Variants in TJP2 observed in about 807,000 individuals in gnomAD.
TJP2 encodes Friedreich ataxia region gene X104 (tight junction protein ZO-2).
Under a neutral mutation model 133.1 loss-of-function variants are expected in TJP2, and 91 were observed. The observed-to-expected ratio is 0.68, with a 90% CI of 0.58 to 0.81. The LOEUF is 0.81. TJP2 is among the 40% of genes least tolerant of loss of function. The pLI, the probability that TJP2 is intolerant of heterozygous loss-of-function variation, is 0.00. For missense variants in TJP2, 1,541 were observed against 1,565.6 expected (o/e 0.98, Z 0.26); for synonymous variants, 592 against 583.4 (o/e 1.01, Z -0.21).
chr9:69,209,422 T>C (rs7861292), intron 1 of TJP2, among the ~76,000 whole-genome samples: 60,537 of 151,618 alleles, frequency 0.4, 12,459 homozygotes, highest in African/African-American at 0.49. Context: ...GCGTGAACCA[T>C]CACGCCCGAC....
At chr9:69,186,637 T>C (rs1330367770) in intron 1 of TJP2, among the ~76,000 whole-genome samples, 3 of 152,204 alleles carry the variant, frequency 2.0e-5, no homozygotes, top group Non-Finnish European at 2.9e-5. Flanking sequence ...AGAGGGGAGC[T>C]TCTTATGGGC....
In TJP2 at chr9:69,254,548, G is replaced by C. The variant is rs1022833183; in HGVS notation, c.*174G>C. 1 of 809,578 alleles carries C rather than the reference G, an allele frequency of 1.2e-6. No individual in the cohort carries two copies. Among genetic ancestry groups the C allele is most frequent in the Non-Finnish European group, 2.0e-6 (1 of 493,654 alleles). The allele number at this position is 809,578 out of a possible 1,614,324, so 50.1% of individuals were successfully genotyped here. A position where few individuals can be genotyped will look rare whatever the true frequency, so the allele number is the denominator to read the frequency against. On this transcript the variant is annotated 3_prime_UTR_variant, in exon 23 of 23. Coordinates refer to ENST00000377245, the MANE Select transcript of TJP2 (RefSeq NM_004817.4). The stretch of plus-strand genomic sequence containing the variant: ...GGACAGCTGGTGCAAATTCAGAACT[G>C]AGGGCTCTGTTTGTGGGACTGGGTT...
chr9:69,238,094 T>G, intron 15 of TJP2, 121 bp downstream of exon 15: 2 of 732,692 alleles, frequency 2.7e-6, no homozygotes, highest in South Asian at 3.0e-5. Flanking sequence ...TTGCTGACAT[T>G]TTGTCACGCA....
At chr9:69,186,187 C>T (rs922817322) in intron 1 of TJP2, among the ~76,000 whole-genome samples, 2 of 152,130 alleles carry the variant, frequency 1.3e-5, no homozygotes, top group African/African-American at 4.8e-5. Flanking sequence ...GAATTTTTTC[C>T]TCCTTCAAAT....
chr9:69,205,756 G>A (rs1370515703), intron 1 of TJP2, among the ~76,000 whole-genome samples: 1 of 152,142 alleles, frequency 6.6e-6, no homozygotes, highest in Non-Finnish European at 1.5e-5. Context: ...CCCTTACGTG[G>A]ACAGCTTGCG....
chr9:69,236,258 C>G lies in TJP2; in HGVS notation c.1991+20C>G, dbSNP rs745961138. On this transcript the variant is annotated intron_variant, in intron 13 of 22. Coordinates refer to ENST00000377245, the MANE Select transcript of TJP2 (RefSeq NM_004817.4). ...GAGCAGGTAACAGAGATCGCATTCTCACATACCCCTTTTAATCCTTCCCCC... is the reference window on the plus strand; with the variant it reads ...GAGCAGGTAACAGAGATCGCATTCTGACATACCCCTTTTAATCCTTCCCCC... 2 of 1,612,208 alleles carry G rather than the reference C, an allele frequency of 1.2e-6. No individual in the cohort carries two copies. The highest frequency in any genetic ancestry group is 2.2e-5 in the South Asian group (2 of 90,966).
At chr9:69,178,918 G>A (rs998492518) in intron 1 of TJP2, among the ~76,000 whole-genome samples, 1 of 151,948 alleles carries the variant, frequency 6.6e-6, no homozygotes, top group African/African-American at 2.4e-5. Context: ...ACCTGTAAAT[G>A]CATTTAATTT....
At chr9:69,147,695 A>T (rs2133320860) in intron 1 of TJP2, among the ~76,000 whole-genome samples, 1 of 152,328 alleles carries the variant, frequency 6.6e-6, no homozygotes, top group East Asian at 1.9e-4. Context: ...AAATAGACCT[A>T]AATAGATCTC....
At chr9:69,238,218 G>T (rs1830335079) in intron 15 of TJP2, among the ~76,000 whole-genome samples, 1 of 152,098 alleles carries the variant, frequency 6.6e-6, no homozygotes, top group Non-Finnish European at 1.5e-5. Flanking sequence ...ATACTTGTGT[G>T]AATCTCCTAA....
intron 9 of TJP2, 62 bp downstream of exon 9, chr9:69,228,176 A>G (rs1447160954): frequency 4.5e-6 from 7 of 1,553,106 alleles, no homozygotes; most frequent in African/African-American, 2.7e-5. Context: ...TCACACAGCC[A>G]TAACAAAGAG....
Position 69,229,321 on chromosome 9 carries a change from G to A in TJP2, c.1520+71G>A, listed in dbSNP as rs549419663. On this transcript the variant is annotated intron_variant, in intron 10 of 22. Transcript: ENST00000377245. ...CTGTCTCTGTAACTGAAATCCAGAA[G>A]AGTGGTGGTTTTTGCCTAGATGGTG... is the stretch of plus-strand genomic sequence containing the variant. 4 of 1,515,932 alleles carry A rather than the reference G, an allele frequency of 2.6e-6. No homozygotes were observed. In the African/African-American group the frequency reaches 5.5e-5, roughly 21 times the overall value. The allele number at this position is 1,515,932 out of a possible 1,614,324, so 93.9% of individuals were successfully genotyped here.
intron 1 of TJP2, among the ~76,000 whole-genome samples, chr9:69,146,608 GA>G (rs1452505234): frequency 6.6e-6 from 1 of 152,152 alleles, no homozygotes; most frequent in Non-Finnish European, 1.5e-5. Context: ...AAATAAGGGG[GA>G]AAATTACCCA....
intron 17 of TJP2, among the ~76,000 whole-genome samples, chr9:69,241,102 C>A (rs1465769480): frequency 6.1e-5 from 9 of 147,744 alleles, no homozygotes; most frequent in Non-Finnish European, 1.1e-4. Flanking sequence ...CATTAAACTG[C>A]TATCTGTACT....
Position 69,254,271 on chromosome 9 carries a change from A to T in TJP2, c.3470A>T (p.Tyr1157Phe). 1 of 1,614,242 alleles carries T rather than the reference A, an allele frequency of 6.2e-7. No homozygotes were observed. The highest frequency in any genetic ancestry group is 8.5e-7 in the Non-Finnish European group (1 of 1,180,040). Reference protein sequence around the residue: ...SRPYQDTRGSYGSDAEEEEYR... With the variant: ...SRPYQDTRGSFGSDAEEEEYR... Reference sequence around the variant, plus strand: ...CCTTATCAGGATACCAGAGGAAGTTATGGCAGTGATGCCGAGGAGGAGGAG... The same window carrying T: ...CCTTATCAGGATACCAGAGGAAGTTTTGGCAGTGATGCCGAGGAGGAGGAG... The change falls in exon 23 of 23, where the codon TAT becomes TTT. Residue 1157 changes from tyrosine (Y) to phenylalanine (F), a missense_variant. Tyr to Phe is a conservative substitution (Grantham distance 22). Coordinates refer to ENST00000377245, the MANE Select transcript of TJP2 (RefSeq NM_004817.4).
At position 69,236,820 on chromosome 9, in the gene TJP2, G is replaced by C. The variant is rs1013548548; in HGVS notation, c.1992-129G>C. On this transcript the variant is annotated intron_variant, in intron 13 of 22. Coordinates refer to ENST00000377245, the MANE Select transcript of TJP2 (RefSeq NM_004817.4). ...AAGGTCCCCACATTTCCCACCCTCTGAAACTTCTTCATTGTCAAGCGGAAT... is the reference window on the plus strand; with the variant it reads ...AAGGTCCCCACATTTCCCACCCTCTCAAACTTCTTCATTGTCAAGCGGAAT... 4.4e-6 allele frequency: 5 copies of C among 1,140,806 alleles called. No individual in the cohort carries two copies. The African/African-American group carries it at 7.6e-5, about 17-fold the overall frequency. The allele number at this position is 1,140,806 out of a possible 1,614,324, so 70.7% of individuals were successfully genotyped here. A position where few individuals can be genotyped will look rare whatever the true frequency, so the allele number is the denominator to read the frequency against.
intron 1 of TJP2, among the ~76,000 whole-genome samples, chr9:69,203,799 A>G (rs185120815): frequency 6.6e-6 from 1 of 151,458 alleles, no homozygotes; most frequent in East Asian, 1.9e-4. Flanking sequence ...TTTTTAGTAG[A>G]GATGGGGTTT....
intron 17 of TJP2, among the ~76,000 whole-genome samples, chr9:69,245,256 T>C (rs1224562727): frequency 6.6e-6 from 1 of 152,226 alleles, no homozygotes; most frequent in Non-Finnish European, 1.5e-5. Flanking sequence ...CTGTTAGAAC[T>C]TCTTAAACAG....
chr9:69,233,749 CCTGGGCGACAGAGGGAG>C (rs1234785373), intron 11 of TJP2, among the ~76,000 whole-genome samples: 2 of 152,012 alleles, frequency 1.3e-5, no homozygotes, highest in African/African-American at 4.8e-5. Flanking sequence ...TGCACTCCAG[CCTGGGCGACAGAGGGAG>C]ACTACATCTC....
chr9:69,121,491 C>A (rs572327259), exon 1 of TJP2: 2 of 347,996 alleles, frequency 5.7e-6, no homozygotes, highest in African/African-American at 2.2e-5. Context: ...CAGGAAATAG[C>A]CCGAATCACA....
Sources: gnomAD v4.1 joint callset for allele counts (sites outside exome capture counted in the v4.1 genomes callset) on GRCh38, gnomAD v4.1.1 for gene constraint, MANE v1.5 for transcripts, NCBI Gene and HGNC (gene_info 2026-07-23, HGNC 2026-07-21) for gene names.